RNLS: variants seen among roughly 807,000 people sequenced by gnomAD.
RNLS encodes the protein renalase.
In RNLS, 39 loss-of-function variants were observed where a neutral mutation model predicts 39.8. The ratio of observed to expected loss-of-function variants is 0.98; its 90% CI spans 0.76 to 1.28. The LOEUF is 1.28. Ranked by LOEUF, RNLS falls within the 50% of genes most tolerant of loss-of-function variation. The probability of loss-of-function intolerance (pLI) is 0.00; values close to 1 mark genes in which losing one functional copy is unlikely to be tolerated. For synonymous variants in RNLS, 147 were observed against 150.7 expected (o/e 0.98, Z 0.18); for missense variants, 410 against 413.3 (o/e 0.99, Z 0.07).
chr10:88,422,762 CTT>C (rs113940580), intron 4 of RNLS, among the ~76,000 whole-genome samples: 8 of 143,136 alleles, frequency 5.6e-5, no homozygotes, highest in Non-Finnish European at 7.7e-5. Context: ...TTAGATGGCC[CTT>C]TTTTTTTTTT....
chr10:88,451,390 T>A (rs1171217878), intron 4 of RNLS, among the ~76,000 whole-genome samples: 1 of 152,088 alleles, frequency 6.6e-6, no homozygotes, highest in African/African-American at 2.4e-5. Context: ...CCCCACCGCA[T>A]GGGGCTTTGT....
At chr10:88,499,526 C>T (rs905789171) in intron 4 of RNLS, among the ~76,000 whole-genome samples, 3 of 152,036 alleles carry the variant, frequency 2.0e-5, no homozygotes, top group African/African-American at 7.2e-5. Flanking sequence ...TCAGATCTGG[C>T]TTTTTATTTT....
intron 4 of RNLS, among the ~76,000 whole-genome samples, chr10:88,375,047 A>T (rs1196903223): frequency 1.3e-5 from 2 of 152,230 alleles, no homozygotes; most frequent in Middle Eastern, 6.8e-3. Flanking sequence ...TATCCTTTTA[A>T]AATTTCCAGT....
chr10:88,521,313 T>C (rs939325078), intron 4 of RNLS, among the ~76,000 whole-genome samples: 7 of 152,054 alleles, frequency 4.6e-5, no homozygotes, highest in South Asian at 4.1e-4. Flanking sequence ...ATTGGAGCAA[T>C]GGCAAAAGCA....
chr10:88,270,156 G>A (rs1469836973), downstream of RNLS, among the ~76,000 whole-genome samples: 2 of 152,200 alleles, frequency 1.3e-5, no homozygotes, highest in African/African-American at 4.8e-5. Flanking sequence ...GGAGAGAGGA[G>A]TAAACGAAAC....
chr10:88,229,651 C>A, the RNLS span, among the ~76,000 whole-genome samples: 25 of 117,778 alleles, frequency 2.1e-4, no homozygotes, highest in African/African-American at 7.0e-4. Flanking sequence ...ACCCTTTGTC[C>A]ATTAACAATC....
downstream of RNLS, among the ~76,000 whole-genome samples, chr10:88,280,857 T>C (rs953259259): frequency 1.3e-5 from 2 of 152,158 alleles, no homozygotes; most frequent in African/African-American, 4.8e-5. Context: ...GGTTAAGAAC[T>C]GGTCTAAATG....
At chr10:88,553,141 T>A (rs962715557) in intron 4 of RNLS, among the ~76,000 whole-genome samples, 2 of 152,216 alleles carry the variant, frequency 1.3e-5, no homozygotes, top group South Asian at 4.1e-4. Context: ...ATGTATTTCT[T>A]AAGCAATGGA....
chr10:88,228,397 A>G, the RNLS span, among the ~76,000 whole-genome samples: 1 of 152,314 alleles, frequency 6.6e-6, no homozygotes, highest in Non-Finnish European at 1.5e-5. Context: ...AGCAGGGATG[A>G]ATCTGGCACA....
chr10:88,552,168 C>T, intron 4 of RNLS, among the ~76,000 whole-genome samples: 1 of 152,134 alleles, frequency 6.6e-6, no homozygotes, highest in East Asian at 1.9e-4. Context: ...ATCAGAGACT[C>T]AGAGAGATCA....
intron 6 of RNLS, among the ~76,000 whole-genome samples, chr10:88,276,447 C>A (rs1842818758): frequency 6.6e-6 from 1 of 152,084 alleles, no homozygotes; most frequent in Admixed American, 6.6e-5. Context: ...TTTAATCCAT[C>A]TGGAAATTAT....
intron 6 of RNLS, among the ~76,000 whole-genome samples, chr10:88,292,281 G>C (rs1843723017): frequency 6.6e-6 from 1 of 150,552 alleles, no homozygotes; most frequent in African/African-American, 2.4e-5. Context: ...TGTTAATATA[G>C]GGGAAATATC....
At chr10:88,418,021 C>T (rs891114945) in intron 4 of RNLS, among the ~76,000 whole-genome samples, 2 of 151,198 alleles carry the variant, frequency 1.3e-5, no homozygotes, top group African/African-American at 4.9e-5. Context: ...TAAAATGAAG[C>T]CAAGTTTTAG....
At chr10:88,556,929 C>T (rs1172859004) in intron 4 of RNLS, among the ~76,000 whole-genome samples, 1 of 152,176 alleles carries the variant, frequency 6.6e-6, no homozygotes, top group East Asian at 1.9e-4. Context: ...AAATACTATA[C>T]AATATTATGC....
the RNLS span, among the ~76,000 whole-genome samples, chr10:88,253,085 G>A: frequency 6.6e-6 from 1 of 152,162 alleles, no homozygotes; most frequent in Non-Finnish European, 1.5e-5. Context: ...GTGTTTAAGG[G>A]AACATTTGGG....
chr10:88,271,016 G>A (rs1842635633), downstream of RNLS, among the ~76,000 whole-genome samples: 1 of 152,128 alleles, frequency 6.6e-6, no homozygotes, highest in Non-Finnish European at 1.5e-5. Flanking sequence ...ATATTCTGAG[G>A]TCTAGCAAAG....
At chr10:88,539,934 C>A (rs1304447462) in intron 4 of RNLS, among the ~76,000 whole-genome samples, 4 of 152,022 alleles carry the variant, frequency 2.6e-5, no homozygotes, top group Non-Finnish European at 5.9e-5. Flanking sequence ...ACTATGCTAT[C>A]ACTTTAATAC....
At chr10:88,374,768 T>G (rs1850841122) in intron 4 of RNLS, among the ~76,000 whole-genome samples, 1 of 152,172 alleles carries the variant, frequency 6.6e-6, no homozygotes, top group African/African-American at 2.4e-5. Context: ...CCTGCTGAAA[T>G]CTCTTCATAC....
chr10:88,512,998 A>G (rs749117290), intron 4 of RNLS, among the ~76,000 whole-genome samples: 8 of 152,194 alleles, frequency 5.3e-5, no homozygotes, highest in Non-Finnish European at 7.3e-5. Context: ...AAAGTAAGAC[A>G]TCGGAAGTAT....
Sources: allele counts gnomAD v4.1 joint callset (sites outside exome capture counted in the v4.1 genomes callset), GRCh38; gene constraint gnomAD v4.1.1; transcripts MANE v1.5; gene names NCBI Gene and HGNC (gene_info 2026-07-23, HGNC 2026-07-21).